The following STXBP6 variants were observed in gnomAD, a reference collection of about 807,000 sequenced individuals.
STXBP6 encodes syntaxin binding protein 6, also known as syntaxin-binding protein 6.
STXBP6 carries 21 observed loss-of-function variants against 26.9 expected under a neutral mutation model. That is an observed-to-expected ratio of 0.78 (90% CI 0.55 to 1.12). The LOEUF (loss-of-function observed/expected upper bound fraction) is 1.12. Ranked by LOEUF, STXBP6 falls within the 50% of genes most tolerant of loss-of-function variation. STXBP6 has a pLI of 0.00. For missense variants in STXBP6, 232 were observed against 257.9 expected, an observed-to-expected ratio of 0.90 and a Z score of 0.69; for synonymous variants, 97 against 92.6, an observed-to-expected ratio of 1.05 and a Z score of -0.27.
At chr14:24,868,950 A>C (rs928876787) in intron 2 of STXBP6, among the ~76,000 whole-genome samples, 2 of 152,226 alleles carry the variant, frequency 1.3e-5, no homozygotes, top group African/African-American at 4.8e-5. Flanking sequence ...CACATTTTGC[A>C]TATGTCAGGA....
intron 1 of STXBP6, among the ~76,000 whole-genome samples, chr14:25,043,534 C>A (rs1290737290): frequency 3.9e-5 from 6 of 152,170 alleles, no homozygotes; most frequent in Admixed American, 6.5e-5. Context: ...ATTGTGCCAT[C>A]ATCACCCTAA....
At chr14:24,834,198 T>C (rs2138945553) in intron 4 of STXBP6, among the ~76,000 whole-genome samples, 1 of 152,302 alleles carries the variant, frequency 6.6e-6, no homozygotes, top group South Asian at 2.1e-4. Context: ...TCTTGCTATG[T>C]TGCCCAGGCT....
At chr14:24,979,734 C>G (rs1430047577) in intron 1 of STXBP6, among the ~76,000 whole-genome samples, 1 of 152,162 alleles carries the variant, frequency 6.6e-6, no homozygotes, top group Non-Finnish European at 1.5e-5. Context: ...CATAACGAAC[C>G]AATCACCAAG....
intron 2 of STXBP6, among the ~76,000 whole-genome samples, chr14:24,859,444 T>C (rs1410452177): frequency 6.6e-6 from 1 of 152,110 alleles, no homozygotes; most frequent in South Asian, 2.1e-4. Context: ...AAATTAAGAC[T>C]TTCCCCTTCT....
chr14:24,896,021 G>T (rs909066303), intron 2 of STXBP6, among the ~76,000 whole-genome samples: 1 of 152,108 alleles, frequency 6.6e-6, no homozygotes, highest in Non-Finnish European at 1.5e-5. Context: ...GGTGTCTTTG[G>T]AGGGGCTGGA....
At chr14:24,980,993 A>G (rs1022899359) in intron 1 of STXBP6, among the ~76,000 whole-genome samples, 1 of 152,206 alleles carries the variant, frequency 6.6e-6, no homozygotes, top group African/African-American at 2.4e-5. Flanking sequence ...TGACTTCTTC[A>G]GTTTATTCTG....
rs573479733 is a variant in STXBP6 at position 25,045,983 on chromosome 14, G to C, written c.-33+3895C>G. 5.3e-5 allele frequency among the ~76,000 whole-genome samples: 8 copies of C among 152,274 alleles called. No homozygotes were observed. The South Asian group carries it at 1.0e-3, about 20-fold the overall frequency. ...AAGAATGTATCTTAGAAATGAGCTA[G>C]TGCAGTATAACTAGTGTTTTAGTTT... On this transcript the variant is annotated intron_variant, in intron 1 of 5. Transcript: ENST00000323944.
At chr14:25,040,721 A>G (rs2075629378) in intron 1 of STXBP6, among the ~76,000 whole-genome samples, 1 of 152,240 alleles carries the variant, frequency 6.6e-6, no homozygotes, top group Admixed American at 6.5e-5. Context: ...TCTCTACTGT[A>G]TGACAGACAC....
At chr14:24,867,014 C>G (rs1244934813) in intron 2 of STXBP6, among the ~76,000 whole-genome samples, 2 of 151,988 alleles carry the variant, frequency 1.3e-5, no homozygotes, top group Non-Finnish European at 2.9e-5. Context: ...TGTTGTAAAA[C>G]CAAGTGTAAT....
chr14:24,818,189 C>T (rs2068036144), intron 5 of STXBP6: 1 of 454,762 alleles, frequency 2.2e-6, no homozygotes, highest in Non-Finnish European at 4.4e-6. Flanking sequence ...TTCTGGAAGG[C>T]TAAATTCAAA....
chr14:24,948,493 C>A (rs1224482392), intron 2 of STXBP6, among the ~76,000 whole-genome samples: 1 of 152,108 alleles, frequency 6.6e-6, no homozygotes, highest in African/African-American at 2.4e-5. Flanking sequence ...TAGGGACCAC[C>A]TGACACTATG....
chr14:24,820,696 A>G (rs147919047), intron 4 of STXBP6, among the ~76,000 whole-genome samples: 1 of 152,344 alleles, frequency 6.6e-6, no homozygotes, highest in East Asian at 1.9e-4. Context: ...ACACTTGAAT[A>G]GCACTTTGCA....
At chr14:25,009,736 T>TCA (rs903320162) in intron 1 of STXBP6, among the ~76,000 whole-genome samples, 3 of 152,096 alleles carry the variant, frequency 2.0e-5, no homozygotes, top group Non-Finnish European at 4.4e-5. Context: ...CAAAACAACA[T>TCA]CACACACACA....
chr14:25,021,137 G>A (rs555388105), intron 1 of STXBP6, among the ~76,000 whole-genome samples: 18 of 152,202 alleles, frequency 1.2e-4, no homozygotes, highest in African/African-American at 4.1e-4. Flanking sequence ...TCAGGTGGAG[G>A]CCATCTCATC....
chr14:24,964,705 A>G (rs1327648945), intron 2 of STXBP6, among the ~76,000 whole-genome samples: 4 of 143,982 alleles, frequency 2.8e-5, no homozygotes, highest in African/African-American at 1.0e-4. Flanking sequence ...GGTAACAGGA[A>G]AGAGCTGGAG....
chr14:25,015,000 C>A (rs1448689624), intron 1 of STXBP6, among the ~76,000 whole-genome samples: 1 of 152,094 alleles, frequency 6.6e-6, no homozygotes, highest in Non-Finnish European at 1.5e-5. Context: ...TATCAAAGCT[C>A]TATTGATGGC....
At chr14:24,882,414 A>AAAAAAAAAAAAAC in intron 2 of STXBP6, among the ~76,000 whole-genome samples, 1 of 118,716 alleles carries the variant, frequency 8.4e-6, no homozygotes, top group Admixed American at 8.5e-5. Flanking sequence ...AAAAAAAAAA[A>AAAAAAAAAAAAAC]GAGGGGCTTT....
At chr14:25,005,899 C>A (rs2074885820) in intron 1 of STXBP6, among the ~76,000 whole-genome samples, 2 of 151,876 alleles carry the variant, frequency 1.3e-5, no homozygotes. Flanking sequence ...ACAGAGACAG[C>A]CCATAAGAGC....
At chr14:25,002,974 G>A (rs573508830) in intron 1 of STXBP6, among the ~76,000 whole-genome samples, 10 of 152,194 alleles carry the variant, frequency 6.6e-5, no homozygotes, top group South Asian at 2.1e-4. Context: ...TGATCCACCC[G>A]CCTCGGCCTC....
Sources: gnomAD v4.1 joint callset for allele counts (sites outside exome capture counted in the v4.1 genomes callset) on GRCh38, gnomAD v4.1.1 for gene constraint, MANE v1.5 for transcripts, NCBI Gene and HGNC (gene_info 2026-07-23, HGNC 2026-07-21) for gene names.